TRPM3: variants seen among roughly 807,000 people sequenced by gnomAD.
TRPM3 encodes the protein transient receptor potential cation channel subfamily M member 3, also known as long transient receptor potential channel 3.
A neutral mutation model predicts 181.2 loss-of-function variants in TRPM3; 77 were observed. The ratio of observed to expected loss-of-function variants is 0.42; its 90% confidence interval spans 0.35 to 0.51. TRPM3 has a LOEUF of 0.51. Ranked by LOEUF, TRPM3 falls within the 20% of genes least tolerant of loss-of-function variation. The pLI, the probability that TRPM3 is intolerant of heterozygous loss-of-function variation, is 0.01. For synonymous variants in TRPM3, 745 were observed against 796.4 expected (o/e 0.94, Z 1.09); for missense variants, 1,759 against 2,196.7 (o/e 0.80, Z 3.98).
At chr9:71,171,685 T>C (rs1479562323) in intron 1 of TRPM3, among the ~76,000 whole-genome samples, 2 of 152,018 alleles carry the variant, frequency 1.3e-5, no homozygotes, top group African/African-American at 4.8e-5. Flanking sequence ...ACAGGGTGTG[T>C]TGGAGCTCAA....
intron 1 of TRPM3, among the ~76,000 whole-genome samples, chr9:71,093,052 AC>A (rs1783237942): frequency 6.6e-6 from 1 of 152,140 alleles, no homozygotes; most frequent in African/African-American, 2.4e-5. Context: ...CAGAAACTGG[AC>A]CCCTTTCTTA....
intron 1 of TRPM3, among the ~76,000 whole-genome samples, chr9:71,035,652 G>A (rs192003264): frequency 8.3e-4 from 126 of 152,314 alleles, no homozygotes; most frequent in Non-Finnish European, 2.5e-4. Context: ...GGGAGGCAGA[G>A]GTTGCAGTGA....
chr9:71,327,138 C>T lies in TRPM3; in HGVS notation c.183+119515G>A, dbSNP rs149117058. On this transcript the variant is annotated intron_variant, in intron 1 of 24. Coordinates refer to the TRPM3 transcript ENST00000357533. The stretch of plus-strand genomic sequence containing the variant: ...TGGAGTTAGGCTGCTCCTCCATCTT[C>T]CTTGGACCACGGCATCTGCCTTCTT... Among the ~76,000 whole-genome samples the T allele has an allele frequency of 4.0e-3, 605 of 152,326 alleles. 2 individuals are homozygous for T. The highest frequency in any genetic ancestry group is 6.0e-3 in the Non-Finnish European group (410 of 68,032).
chr9:70,804,185 C>T (rs1382372312), intron 6 of TRPM3, among the ~76,000 whole-genome samples: 13 of 152,062 alleles, frequency 8.5e-5, no homozygotes, highest in Non-Finnish European at 2.9e-5. Flanking sequence ...AAAAAATTAA[C>T]TGGGCTTGGT....
intron 1 of TRPM3, among the ~76,000 whole-genome samples, chr9:70,959,313 T>C (rs2097112872): frequency 6.6e-6 from 1 of 151,922 alleles, no homozygotes; most frequent in Admixed American, 6.6e-5. Flanking sequence ...AATACAACAA[T>C]AAACATGATA....
intron 1 of TRPM3, among the ~76,000 whole-genome samples, chr9:71,351,605 G>A (rs2091628530): frequency 6.6e-6 from 1 of 152,182 alleles, no homozygotes; most frequent in South Asian, 2.1e-4. Context: ...AATGAATGTA[G>A]TAGTAATATA....
At chr9:70,631,817 A>G (rs2065904853) in intron 12 of TRPM3, among the ~76,000 whole-genome samples, 1 of 152,196 alleles carries the variant, frequency 6.6e-6, no homozygotes, top group Non-Finnish European at 1.5e-5. Flanking sequence ...CTTGGGAGCA[A>G]TTCCCCACAT....
chr9:71,272,119 A>G (rs1363859085), intron 1 of TRPM3, among the ~76,000 whole-genome samples: 2 of 152,188 alleles, frequency 1.3e-5, no homozygotes, highest in African/African-American at 4.8e-5. Context: ...AGTAAATATA[A>G]ATTGAATTGA....
intron 8 of TRPM3, among the ~76,000 whole-genome samples, chr9:70,746,188 A>AT (rs2134959370): frequency 6.6e-6 from 1 of 152,232 alleles, no homozygotes; most frequent in African/African-American, 2.4e-5. Context: ...AGAGACTACC[A>AT]TTTTTCTAAG....
At chr9:71,426,520 T>C (rs770528701) in intron 1 of TRPM3, among the ~76,000 whole-genome samples, 18 of 152,162 alleles carry the variant, frequency 1.2e-4, no homozygotes, top group Non-Finnish European at 2.1e-4. Flanking sequence ...TCCAATCTTC[T>C]GAAACTCTCT....
intron 1 of TRPM3, among the ~76,000 whole-genome samples, chr9:71,330,274 T>A (rs1182588390): frequency 6.6e-6 from 1 of 151,888 alleles, no homozygotes; most frequent in Non-Finnish European, 1.5e-5. Context: ...ATAGTTTAAT[T>A]ACTTTCAGAA....
intron 5 of TRPM3, among the ~76,000 whole-genome samples, chr9:70,835,011 C>T (rs534984232): frequency 6.6e-6 from 1 of 152,228 alleles, no homozygotes; most frequent in East Asian, 1.9e-4. Context: ...GGTGCCCTCC[C>T]CACGGTAATT....
At chr9:71,103,255 C>T (rs2068740267) in intron 1 of TRPM3, among the ~76,000 whole-genome samples, 1 of 151,906 alleles carries the variant, frequency 6.6e-6, no homozygotes, top group South Asian at 2.1e-4. Context: ...AGTAAATACC[C>T]CTATTATGCT....
chr9:70,923,384 A>AC (rs2096678889), intron 1 of TRPM3, among the ~76,000 whole-genome samples: 3 of 152,284 alleles, frequency 2.0e-5, no homozygotes, highest in Admixed American at 1.3e-4. Flanking sequence ...TTACAACAGA[A>AC]CACTAGATAG....
chr9:70,777,030 TTTGTTGTTG>T (rs34245363), intron 7 of TRPM3, among the ~76,000 whole-genome samples: 3 of 151,908 alleles, frequency 2.0e-5, no homozygotes, highest in Non-Finnish European at 2.9e-5. Context: ...TATTTGGATT[TTTGTTGTTG>T]TTGTTGTTGT....
At chr9:71,056,579 G>A (rs115524892) in intron 1 of TRPM3, among the ~76,000 whole-genome samples, 3 of 152,016 alleles carry the variant, frequency 2.0e-5, no homozygotes, top group African/African-American at 4.8e-5. Context: ...TGGAGATAGG[G>A]TCTTATAAAA....
intron 1 of TRPM3, among the ~76,000 whole-genome samples, chr9:71,393,010 AAAGG>A (rs2093099328): frequency 6.6e-6 from 1 of 152,176 alleles, no homozygotes; most frequent in Non-Finnish European, 1.5e-5. Context: ...ATAGGTATTA[AAAGG>A]AAGGAATGTA....
intron 22 of TRPM3, among the ~76,000 whole-genome samples, chr9:70,558,291 G>C (rs550334227): frequency 6.6e-6 from 1 of 152,082 alleles, no homozygotes; most frequent in Non-Finnish European, 1.5e-5. Flanking sequence ...TTTTTCTTAA[G>C]TCGATTTCAA....
chr9:70,927,530 T>C (rs778933140), intron 1 of TRPM3, among the ~76,000 whole-genome samples: 4 of 152,230 alleles, frequency 2.6e-5, no homozygotes, highest in South Asian at 2.1e-4. Context: ...GGTTTTCTTA[T>C]GGAGAAAGAG....
Sources: gnomAD v4.1 joint callset for allele counts (sites outside exome capture counted in the v4.1 genomes callset) on GRCh38, gnomAD v4.1.1 for gene constraint, MANE v1.5 for transcripts, NCBI Gene and HGNC (gene_info 2026-07-23, HGNC 2026-07-21) for gene names.